LTF: variants seen among roughly 807,000 people sequenced by gnomAD.
LTF encodes the protein epididymis luminal protein 110.
Under a neutral mutation model 87.2 loss-of-function variants are expected in LTF, and 91 were observed. The ratio of observed to expected loss-of-function variants is 1.04; its 90% CI spans 0.88 to 1.24. LTF has a LOEUF of 1.24. Among genes scored for constraint, LTF ranks in the 50% most tolerant of loss-of-function variants. The probability of loss-of-function intolerance (pLI) is 0.00; values close to 1 mark genes in which losing one functional copy is unlikely to be tolerated. For synonymous variants in LTF, 378 were observed against 356.1 expected (o/e 1.06, Z -0.69); for missense variants, 901 against 904.3 (o/e 1.00, Z 0.05).
upstream of LTF, among the ~76,000 whole-genome samples, chr3:46,466,107 G>A (rs189062491): frequency 1.8e-4 from 28 of 152,310 alleles, no homozygotes; most frequent in African/African-American, 6.7e-4. Context: ...CAGCATGGTG[G>A]TGTATGCCTA....
intron 1 of LTF, 99 bp downstream of exon 1, chr3:46,464,726 C>G (rs1168014407): frequency 1.4e-6 from 2 of 1,386,336 alleles, no homozygotes; most frequent in African/African-American, 2.9e-5. Context: ...CGCAGAGACC[C>G]CGCGCCCAGC....
chr3:46,449,762 G>A, intron 8 of LTF, 92 bp downstream of exon 8: 1 of 1,358,586 alleles, frequency 7.4e-7, no homozygotes, highest in Non-Finnish European at 1.0e-6. Flanking sequence ...ACAGTGTCTG[G>A]GAAAAGGAGT....
chr3:46,479,825 G>A (rs1575329804), intron 1 of LTF, among the ~76,000 whole-genome samples: 1 of 152,340 alleles, frequency 6.6e-6, no homozygotes, highest in East Asian at 1.9e-4. Flanking sequence ...ACTGCGCCCG[G>A]CCAGAAGTGG....
intron 4 of LTF, 29 bp downstream of exon 4, chr3:46,455,767 G>A (rs1301680101): frequency 1.1e-5 from 17 of 1,538,732 alleles, no homozygotes; most frequent in Non-Finnish European, 1.4e-5. Context: ...CCCTGCCTGA[G>A]GCCACTCACT....
At chr3:46,453,103 A>G (rs915793983) in intron 6 of LTF, among the ~76,000 whole-genome samples, 5 of 152,236 alleles carry the variant, frequency 3.3e-5, no homozygotes, top group Non-Finnish European at 7.3e-5. Flanking sequence ...GATAGAAGGA[A>G]CTTCTGTCCT....
At chr3:46,482,606 AAAG>A (rs770867415) in intron 1 of LTF, among the ~76,000 whole-genome samples, 6 of 129,748 alleles carry the variant, frequency 4.6e-5, no homozygotes, top group African/African-American at 1.5e-4. Flanking sequence ...AGAAAGAAAG[AAAG>A]AAGAAAGAAA....
chr3:46,467,644 CTTTTTTT>C (rs5848801), upstream of LTF, among the ~76,000 whole-genome samples: 1 of 123,046 alleles, frequency 8.1e-6, no homozygotes, highest in African/African-American at 3.0e-5. Context: ...CTTTTCTTTT[CTTTTTTT>C]TTTTTTTTTT....
intron 2 of LTF, 111 bp from the exon 3 acceptor site, chr3:46,456,509 C>T: frequency 1.3e-6 from 1 of 749,966 alleles, no homozygotes; most frequent in Non-Finnish European, 2.2e-6. Context: ...TCAAAGGGGT[C>T]CGCTTTCCAT....
chr3:46,454,471 C>T, intron 5 of LTF, 111 bp from the exon 6 acceptor site: 1 of 979,902 alleles, frequency 1.0e-6, no homozygotes, highest in Non-Finnish European at 1.6e-6. Context: ...CCCTGCAGGG[C>T]AGGGCTCTGA....
chr3:46,439,569 T>A, intron 14 of LTF, 89 bp from the exon 15 acceptor site: 1 of 1,110,814 alleles, frequency 9.0e-7, no homozygotes, highest in Non-Finnish European at 1.3e-6. Flanking sequence ...TCCACTGACC[T>A]CCCAAATGCA....
intron 9 of LTF, among the ~76,000 whole-genome samples, chr3:46,448,431 G>A (rs1052561185): frequency 3.9e-5 from 6 of 151,912 alleles, no homozygotes; most frequent in East Asian, 1.9e-4. Context: ...CCCATTATAC[G>A]CTGTTTAGTG....
At chr3:46,458,668 G>A (rs1191245489) in intron 2 of LTF, among the ~76,000 whole-genome samples, 5 of 152,116 alleles carry the variant, frequency 3.3e-5, no homozygotes, top group South Asian at 2.1e-4. Flanking sequence ...TCCCCCTCCC[G>A]GGTTCAAGTG....
At chr3:46,480,162 T>C (rs887884814) in intron 1 of LTF, among the ~76,000 whole-genome samples, 3 of 152,178 alleles carry the variant, frequency 2.0e-5, no homozygotes, top group Non-Finnish European at 4.4e-5. Flanking sequence ...CAGAATGGCA[T>C]TGTTGCTATA....
At chr3:46,464,770 C>T in intron 1 of LTF, 55 bp downstream of exon 1, 1 of 1,593,516 alleles carries the variant, frequency 6.3e-7, no homozygotes, top group Non-Finnish European at 8.6e-7. Flanking sequence ...GCCTAGCAGA[C>T]AGGGCGCAGG....
At chr3:46,474,278 C>T (rs532314557) in intron 1 of LTF, among the ~76,000 whole-genome samples, 3 of 152,034 alleles carry the variant, frequency 2.0e-5, no homozygotes, top group African/African-American at 7.2e-5. Context: ...ATAAACCATG[C>T]AAACATTAAT....
In LTF at chr3:46,448,916, T is replaced by C. The variant is rs369351447; in HGVS notation, c.1159A>G (p.Ser387Gly). ...CNQWSGLSEG[S>G]VTCSSASTTE... is the part of the protein sequence containing the mutation. Reference sequence around the variant, plus strand: ...GTGGAGGCCGAGGAGCAGGTCACGCTGCCTTCGCTCAAGCCACTCCACTGG... The same window carrying C: ...GTGGAGGCCGAGGAGCAGGTCACGCCGCCTTCGCTCAAGCCACTCCACTGG... Residue 387 changes from serine to glycine, a missense_variant, in exon 9 of 17, where the codon AGC becomes GGC. Coordinates refer to ENST00000231751, the MANE Select transcript of LTF (RefSeq NM_002343.6). The C allele has an allele frequency of 3.1e-6, 5 of 1,613,700 alleles. No individual in the cohort carries two copies. Among genetic ancestry groups the C allele is most frequent in the Non-Finnish European group, 4.2e-6 (5 of 1,179,960 alleles).
In LTF at chr3:46,456,411, A is replaced by C. The variant is rs759653830; in HGVS notation, c.208-13T>G. On this transcript the variant is annotated splice_polypyrimidine_tract_variant and intron_variant, in intron 2 of 16. Coordinates refer to ENST00000231751, the MANE Select transcript of LTF (RefSeq NM_002343.6). Reference sequence around the variant, plus strand: ...CGGCCCTGTTTTCCTGAAAGTAAAGAGGCCAGACTGGCTTCAGCAGAAAAC... The same window carrying C: ...CGGCCCTGTTTTCCTGAAAGTAAAGCGGCCAGACTGGCTTCAGCAGAAAAC... The C allele has an allele frequency of 2.5e-6, 4 of 1,608,656 alleles. No homozygotes were observed. Among genetic ancestry groups the C allele is most frequent in the East Asian group, 4.5e-5 (2 of 44,852 alleles).
chr3:46,464,971 C>T (rs1703178848), upstream of LTF: 21 of 1,067,612 alleles, frequency 2.0e-5, no homozygotes, highest in South Asian at 2.9e-4. Flanking sequence ...CCAATAGACA[C>T]CCCTTCCCTC....
At chr3:46,441,015 G>T (rs746047190) in intron 14 of LTF, among the ~76,000 whole-genome samples, 2 of 152,192 alleles carry the variant, frequency 1.3e-5, no homozygotes, top group Non-Finnish European at 2.9e-5. Context: ...ATAAAGGGAG[G>T]CTTCATTTGC....
Sources: gnomAD v4.1 joint callset for allele counts (sites outside exome capture counted in the v4.1 genomes callset) on GRCh38, gnomAD v4.1.1 for gene constraint, MANE v1.5 for transcripts, NCBI Gene and HGNC (gene_info 2026-07-23, HGNC 2026-07-21) for gene names.